INPP4B: variants seen among roughly 807,000 people sequenced by gnomAD.
INPP4B encodes the protein inositol polyphosphate-4-phosphatase type II B.
In INPP4B, 55 loss-of-function variants were observed where a neutral mutation model predicts 122.5. The observed-to-expected ratio is 0.45, with a 90% CI of 0.36 to 0.56. The LOEUF is 0.56. Among genes scored for constraint, INPP4B ranks in the 20% least tolerant of loss-of-function variants. The pLI, the probability that INPP4B is intolerant of heterozygous loss-of-function variation, is 0.00. For missense variants in INPP4B, 1,000 were observed against 1,097.7 expected, an observed-to-expected ratio of 0.91 and a Z score of 1.26; for synonymous variants, 403 against 388.7, an observed-to-expected ratio of 1.04 and a Z score of -0.43.
intron 9 of INPP4B, among the ~76,000 whole-genome samples, chr4:142,299,144 TTTTC>T (rs1185955339): frequency 7.5e-5 from 11 of 146,206 alleles, no homozygotes; most frequent in South Asian, 4.4e-4. Context: ...TTCACTTTTT[TTTTC>T]TTTCTTTCTT....
chr4:142,456,552 G>A (rs1222484438), intron 3 of INPP4B, among the ~76,000 whole-genome samples: 1 of 151,734 alleles, frequency 6.6e-6, no homozygotes, highest in Non-Finnish European at 1.5e-5. Flanking sequence ...TTTGAAGTCA[G>A]GTAATGTGAT....
chr4:142,534,399 T>G (rs903671451), intron 2 of INPP4B, among the ~76,000 whole-genome samples: 5 of 152,072 alleles, frequency 3.3e-5, no homozygotes, highest in African/African-American at 1.2e-4. Flanking sequence ...TTAGCACCCT[T>G]ATCAAGGGGC....
chr4:142,299,752 C>G (rs891634883), intron 9 of INPP4B, among the ~76,000 whole-genome samples: 6 of 151,956 alleles, frequency 3.9e-5, no homozygotes, highest in Non-Finnish European at 5.9e-5. Flanking sequence ...GTGGAAAACT[C>G]TTACTGTTGT....
intron 1 of INPP4B, among the ~76,000 whole-genome samples, chr4:142,779,762 G>A (rs1192547663): frequency 6.6e-6 from 1 of 152,042 alleles, no homozygotes; most frequent in Non-Finnish European, 1.5e-5. Flanking sequence ...AATGAATAAA[G>A]GGAGGAAAGG....
chr4:142,095,821 G>A (rs753545662), intron 23 of INPP4B, among the ~76,000 whole-genome samples: 1 of 152,148 alleles, frequency 6.6e-6, no homozygotes, highest in Non-Finnish European at 1.5e-5. Context: ...ATTGTTGTTT[G>A]TTTCTGTTGT....
chr4:142,627,733 G>C (rs969171494), intron 2 of INPP4B, among the ~76,000 whole-genome samples: 30 of 151,906 alleles, frequency 2.0e-4, no homozygotes, highest in Non-Finnish European at 3.5e-4. Flanking sequence ...TTGTGTCTCT[G>C]CCCAGCTTTG....
intron 21 of INPP4B, among the ~76,000 whole-genome samples, chr4:142,113,964 CT>C (rs1791591930): frequency 6.6e-6 from 1 of 152,012 alleles, no homozygotes; most frequent in African/African-American, 2.4e-5. Context: ...GTCAGCTATA[CT>C]ACCACCGCTA....
intron 3 of INPP4B, among the ~76,000 whole-genome samples, chr4:142,447,823 C>T (rs113653620): frequency 0.011 from 1,600 of 152,178 alleles, 29 homozygotes; most frequent in African/African-American, 0.037. Flanking sequence ...CCTCTGGGCT[C>T]TCTGATGTGT....
At chr4:142,170,431 T>G (rs955021855) in intron 16 of INPP4B, among the ~76,000 whole-genome samples, 6 of 151,706 alleles carry the variant, frequency 4.0e-5, no homozygotes, top group Admixed American at 2.0e-4. Context: ...TCCGTAGTCC[T>G]ATGTACAAGC....
At chr4:142,825,177 T>G (rs1021072371) in intron 1 of INPP4B, among the ~76,000 whole-genome samples, 3 of 152,240 alleles carry the variant, frequency 2.0e-5, no homozygotes, top group African/African-American at 7.2e-5. Flanking sequence ...TTGACTTCTT[T>G]TGCCTTTCTT....
intron 12 of INPP4B, among the ~76,000 whole-genome samples, chr4:142,231,447 T>C (rs1412957943): frequency 6.6e-6 from 1 of 152,248 alleles, no homozygotes; most frequent in Non-Finnish European, 1.5e-5. Flanking sequence ...AAGTTAATAA[T>C]ATACTTTAAT....
chr4:142,293,542 T>C (rs1579627499), intron 9 of INPP4B, among the ~76,000 whole-genome samples: 1 of 152,240 alleles, frequency 6.6e-6, no homozygotes, highest in African/African-American at 2.4e-5. Context: ...CCTTCTCTTC[T>C]ACCTTCTTAA....
intron 17 of INPP4B, among the ~76,000 whole-genome samples, chr4:142,149,348 T>C (rs1194136537): frequency 6.6e-6 from 1 of 152,200 alleles, no homozygotes; most frequent in Non-Finnish European, 1.5e-5. Flanking sequence ...AATTTAATGT[T>C]CAAAAGCCAC....
intron 2 of INPP4B, among the ~76,000 whole-genome samples, chr4:142,626,802 G>C (rs1746531729): frequency 1.3e-5 from 2 of 152,050 alleles, no homozygotes; most frequent in Non-Finnish European, 1.5e-5. Flanking sequence ...GGCAGAATAA[G>C]TTAATTGTTC....
chr4:142,050,423 A>G (rs1328099531), intron 25 of INPP4B, among the ~76,000 whole-genome samples: 3 of 152,074 alleles, frequency 2.0e-5, no homozygotes, highest in East Asian at 3.9e-4. Flanking sequence ...AAGAATAATT[A>G]AAAACAAAAA....
In INPP4B at chr4:142,725,845, C is replaced by A. The variant is rs952188332; in HGVS notation, c.-197G>T. Reference sequence around the variant, plus strand: ...AATTCAAAATAAGCATTACCTTTGTCTAATTTTTCATAAAAGACAGAAGAC... The same window carrying A: ...AATTCAAAATAAGCATTACCTTTGTATAATTTTTCATAAAAGACAGAAGAC... On this transcript the variant is annotated 5_prime_UTR_variant, in exon 2 of 26. An upstream open reading frame in the 5' UTR loses its in-frame stop. Transcript: ENST00000262992. 2.5e-6 allele frequency: 1 copy of A among 397,858 alleles called. No homozygotes were observed. The highest frequency in any genetic ancestry group is 4.4e-5 in the Admixed American group (1 of 22,692). The allele number at this position is 397,858 out of a possible 1,614,324, so 24.6% of individuals were successfully genotyped here.
At chr4:142,675,648 C>T (rs896278850) in intron 2 of INPP4B, among the ~76,000 whole-genome samples, 4 of 152,156 alleles carry the variant, frequency 2.6e-5, no homozygotes, top group Non-Finnish European at 4.4e-5. Flanking sequence ...GCTTATCCAC[C>T]ACAATCAAGT....
intron 2 of INPP4B, among the ~76,000 whole-genome samples, chr4:142,515,388 T>C (rs1825297135): frequency 6.6e-6 from 1 of 152,204 alleles, no homozygotes. Context: ...GATCGTCTTA[T>C]TTAAATTCTC....
At chr4:142,290,055 G>A (rs976537584) in intron 9 of INPP4B, among the ~76,000 whole-genome samples, 1 of 152,052 alleles carries the variant, frequency 6.6e-6, no homozygotes, top group East Asian at 1.9e-4. Context: ...TCCCAACACA[G>A]CATAAGTCAG....
Sources: allele counts gnomAD v4.1 joint callset (sites outside exome capture counted in the v4.1 genomes callset), GRCh38; gene constraint gnomAD v4.1.1; transcripts MANE v1.5; gene names NCBI Gene and HGNC (gene_info 2026-07-23, HGNC 2026-07-21).